The following RNLS variants were observed in gnomAD, a reference collection of about 807,000 sequenced individuals.
RNLS encodes the protein renalase, FAD dependent amine oxidase.
In RNLS, 39 loss-of-function variants were observed where a neutral mutation model predicts 39.8. The ratio of observed to expected loss-of-function variants is 0.98; its 90% CI spans 0.76 to 1.28. The LOEUF (loss-of-function observed/expected upper bound fraction) is 1.28. RNLS is among the 50% of genes most tolerant of loss of function. The pLI, the probability that RNLS is intolerant of heterozygous loss-of-function variation, is 0.00. For synonymous variants in RNLS, 147 were observed against 150.7 expected, an observed-to-expected ratio of 0.98 and a Z score of 0.18; for missense variants, 410 against 413.3, an observed-to-expected ratio of 0.99 and a Z score of 0.07.
intron 4 of RNLS, among the ~76,000 whole-genome samples, chr10:88,562,090 T>C (rs531548791): frequency 2.6e-4 from 39 of 152,034 alleles, no homozygotes; most frequent in Non-Finnish European, 4.7e-4. Context: ...AACGTAAGAG[T>C]GAGAATCATG....
chr10:88,293,948 A>C (rs1011536620), intron 6 of RNLS, among the ~76,000 whole-genome samples: 2 of 152,200 alleles, frequency 1.3e-5, no homozygotes, highest in African/African-American at 4.8e-5. Context: ...AAATCTGCAC[A>C]ATCTCTTTTT....
chr10:88,551,477 C>T (rs1388278732), intron 4 of RNLS, among the ~76,000 whole-genome samples: 2 of 152,052 alleles, frequency 1.3e-5, no homozygotes, highest in South Asian at 2.1e-4. Context: ...TATGAAAATG[C>T]GTATTTCTGT....
the RNLS span, among the ~76,000 whole-genome samples, chr10:88,187,187 A>AATATATATATT: frequency 2.1e-4 from 2 of 9,568 alleles, no homozygotes; most frequent in African/African-American, 8.5e-4. Context: ...TAATATATAT[A>AATATATATATT]ATATATATAA....
intron 4 of RNLS, among the ~76,000 whole-genome samples, chr10:88,506,979 G>A (rs1205528378): frequency 1.3e-5 from 2 of 151,760 alleles, no homozygotes; most frequent in East Asian, 1.9e-4. Context: ...AAAAAGTGAT[G>A]CACTTCCAGT....
the RNLS span, among the ~76,000 whole-genome samples, chr10:88,248,634 G>A: frequency 1.3e-5 from 2 of 152,112 alleles, no homozygotes; most frequent in East Asian, 1.9e-4. Context: ...GGGCAAAAAT[G>A]TCCAATTGGG....
intron 4 of RNLS, among the ~76,000 whole-genome samples, chr10:88,470,487 A>AAGTT (rs1356469668): frequency 6.6e-6 from 1 of 152,200 alleles, no homozygotes; most frequent in Non-Finnish European, 1.5e-5. Context: ...GGGAGAAAAG[A>AAGTT]AGTTACCTGT....
At chr10:88,382,765 T>C (rs1851630140) in intron 4 of RNLS, among the ~76,000 whole-genome samples, 1 of 152,078 alleles carries the variant, frequency 6.6e-6, no homozygotes, top group Non-Finnish European at 1.5e-5. Context: ...CACTCAGTTA[T>C]TATTTATTTG....
At chr10:88,219,993 C>T in the RNLS span, among the ~76,000 whole-genome samples, 1 of 152,156 alleles carries the variant, frequency 6.6e-6, no homozygotes, top group Admixed American at 6.5e-5. Flanking sequence ...ACCCTGATGG[C>T]TCAGCACACC....
intron 4 of RNLS, among the ~76,000 whole-genome samples, chr10:88,368,187 T>C (rs778980813): frequency 4.6e-5 from 7 of 152,052 alleles, no homozygotes; most frequent in African/African-American, 7.2e-5. Context: ...AGGATTCCTA[T>C]TGGCTTTGAA....
chr10:88,342,437 T>C (rs1848022545), intron 5 of RNLS, among the ~76,000 whole-genome samples: 1 of 152,192 alleles, frequency 6.6e-6, no homozygotes, highest in African/African-American at 2.4e-5. Context: ...TGTTTTCTGC[T>C]CCCTTGTTTT....
At chr10:88,519,827 C>T (rs1343446364) in intron 4 of RNLS, among the ~76,000 whole-genome samples, 1 of 150,696 alleles carries the variant, frequency 6.6e-6, no homozygotes. Flanking sequence ...ATGTCTGAAA[C>T]TCAGTCTCTG....
intron 4 of RNLS, among the ~76,000 whole-genome samples, chr10:88,432,087 C>T (rs1417989284): frequency 1.3e-5 from 2 of 151,310 alleles, no homozygotes; most frequent in African/African-American, 4.8e-5. Flanking sequence ...TTGTCTACTT[C>T]TTCTTATGGC....
chr10:88,416,805 T>C (rs1487641545), intron 4 of RNLS, among the ~76,000 whole-genome samples: 1 of 152,208 alleles, frequency 6.6e-6, no homozygotes, highest in Non-Finnish European at 1.5e-5. Flanking sequence ...TATCCTATTG[T>C]CTTTTTATGG....
intron 4 of RNLS, among the ~76,000 whole-genome samples, chr10:88,379,928 G>A (rs971201329): frequency 1.2e-4 from 18 of 152,198 alleles, no homozygotes; most frequent in African/African-American, 3.4e-4. Flanking sequence ...TCAGCCCCCC[G>A]CTGTCCAGTC....
intron 4 of RNLS, among the ~76,000 whole-genome samples, chr10:88,563,840 A>G (rs1333373643): frequency 6.6e-6 from 1 of 152,206 alleles, no homozygotes; most frequent in Non-Finnish European, 1.5e-5. Flanking sequence ...ATTATACTGG[A>G]TGAACAAGTG....
intron 4 of RNLS, among the ~76,000 whole-genome samples, chr10:88,425,901 T>C (rs1416720475): frequency 2.6e-5 from 4 of 151,372 alleles, no homozygotes; most frequent in Non-Finnish European, 4.4e-5. Context: ...GTGTTTGGAG[T>C]AGGGGGTCAA....
At chr10:88,299,493 C>T (rs1258148758) in intron 6 of RNLS, among the ~76,000 whole-genome samples, 1 of 152,014 alleles carries the variant, frequency 6.6e-6, no homozygotes, top group African/African-American at 2.4e-5. Context: ...GGCACCGTGG[C>T]GTGCGCCTGT....
intron 4 of RNLS, among the ~76,000 whole-genome samples, chr10:88,442,238 TA>T (rs1841755468): frequency 6.6e-6 from 1 of 152,194 alleles, no homozygotes; most frequent in Non-Finnish European, 1.5e-5. Flanking sequence ...AGAAAGCAAA[TA>T]GTTTACAGCT....
At chr10:88,554,770 A>C (rs1348319750) in intron 4 of RNLS, among the ~76,000 whole-genome samples, 1 of 152,110 alleles carries the variant, frequency 6.6e-6, no homozygotes, top group East Asian at 1.9e-4. Flanking sequence ...GACTTCTGTA[A>C]CTGTTCAATC....
Sources: allele counts gnomAD v4.1 joint callset (sites outside exome capture counted in the v4.1 genomes callset), GRCh38; gene constraint gnomAD v4.1.1; transcripts MANE v1.5; gene names NCBI Gene and HGNC (gene_info 2026-07-23, HGNC 2026-07-21).